PKP4: variants seen among roughly 807,000 people sequenced by gnomAD.
PKP4 encodes plakophilin-4.
PKP4 carries 90 observed loss-of-function variants against 145.1 expected under a neutral mutation model. The observed-to-expected ratio is 0.62, with a 90% CI of 0.52 to 0.74. The LOEUF is 0.74. Ranked by LOEUF, PKP4 falls within the 30% of genes least tolerant of loss-of-function variation. PKP4 has a pLI of 0.00. For synonymous variants in PKP4, 563 were observed against 577.2 expected (o/e 0.98, Z 0.35); for missense variants, 1,340 against 1,482.7 (o/e 0.90, Z 1.58).
intron 1 of PKP4, among the ~76,000 whole-genome samples, chr2:158,512,692 T>G (rs2041620772): frequency 6.6e-6 from 1 of 152,248 alleles, no homozygotes; most frequent in African/African-American, 2.4e-5. Flanking sequence ...TGAATTGGAA[T>G]AATCAGCTAG....
chr2:158,597,067 C>T (rs761255329), intron 3 of PKP4, among the ~76,000 whole-genome samples: 2 of 152,116 alleles, frequency 1.3e-5, no homozygotes, highest in African/African-American at 2.4e-5. Context: ...TCTCTTTAGT[C>T]GGCATAGTGC....
chr2:158,588,477 C>T (rs1257241640), intron 3 of PKP4, among the ~76,000 whole-genome samples: 2 of 152,006 alleles, frequency 1.3e-5, no homozygotes, highest in South Asian at 2.1e-4. Flanking sequence ...GAGTGTCCTC[C>T]GGCTGTTGAT....
intron 20 of PKP4, 53 bp from the exon 21 acceptor site, chr2:158,678,528 A>G (rs2058211265): frequency 3.1e-6 from 4 of 1,304,116 alleles, no homozygotes; most frequent in Non-Finnish European, 4.5e-6. Flanking sequence ...ACCCAGCCTA[A>G]TGGACCAGAG....
At position 158,561,337 on chromosome 2, in the gene PKP4, A is replaced by T. The variant is rs562564032; in HGVS notation, c.133-15934A>T. Among the ~76,000 whole-genome samples, 5 of 152,318 alleles carry T rather than the reference A, an allele frequency of 3.3e-5. No individual in the cohort carries two copies. The South Asian group carries it at 8.3e-4, about 25-fold the overall frequency. On this transcript the variant is annotated intron_variant, in intron 2 of 21. Transcript: ENST00000389759. ...TAGGATATTAGAACAAAAATCTGTG[A>T]TAAGAAGTTTTGTATGGGGCCCGAA...
chr2:158,673,612 C>A, intron 17 of PKP4, 65 bp from the exon 18 acceptor site: 1 of 1,175,770 alleles, frequency 8.5e-7, no homozygotes, highest in Non-Finnish European at 1.3e-6. Context: ...TTTCATCCTG[C>A]ACCCCTCTGA....
chr2:158,608,153 A>G (rs968393561), intron 4 of PKP4, among the ~76,000 whole-genome samples: 1 of 152,214 alleles, frequency 6.6e-6, no homozygotes, highest in Non-Finnish European at 1.5e-5. Context: ...GTATCAAAAC[A>G]CTTAATATAC....
chr2:158,663,290 A>G lies in PKP4; in HGVS notation c.2422A>G (p.Ile808Val). Residue 808 changes from isoleucine (I) to valine (V), a missense_variant, in exon 15 of 22, where the codon ATC (isoleucine) becomes GTC (valine). Ile to Val is a conservative substitution (Grantham distance 29, BLOSUM62 3). Transcript: ENST00000389759. ...CTTTCAGTGGGATGGAGTTGGTCCT[A>G]TCCCAGGACTGTCGAAGTCCCCCAA... ...QEDQWDGVGP[I>V]PGLSKSPKGV... 3.1e-6 allele frequency: 5 copies of G among 1,613,730 alleles called. No homozygotes were observed. The highest frequency in any genetic ancestry group is 4.2e-6 in the Non-Finnish European group (5 of 1,179,912).
rs368111884 is a variant in PKP4 at position 158,678,569 on chromosome 2, A to G, written c.3257-12A>G. ...AGCACTAGTTTTAATTTCATAAAAT[A>G]TTTTCTTACAGGCTCCAGCAAACCT... On this transcript the variant is annotated splice_polypyrimidine_tract_variant and intron_variant, in intron 20 of 21. Coordinates refer to ENST00000389759, the MANE Select transcript of PKP4 (RefSeq NM_003628.6). 31 of 1,594,536 alleles carry G rather than the reference A, an allele frequency of 1.9e-5. No individual in the cohort carries two copies. Among genetic ancestry groups the G allele is most frequent in the African/African-American group, 2.7e-5 (2 of 74,570 alleles).
chr2:158,532,887 A>G (rs2043698178), intron 1 of PKP4, among the ~76,000 whole-genome samples: 1 of 152,180 alleles, frequency 6.6e-6, no homozygotes. Context: ...CTCTTCTGCA[A>G]TTGGTAAAAC....
At chr2:158,595,429 A>G (rs531192391) in intron 3 of PKP4, among the ~76,000 whole-genome samples, 14 of 152,196 alleles carry the variant, frequency 9.2e-5, no homozygotes, top group African/African-American at 7.2e-5. Flanking sequence ...AGGGACTTCC[A>G]TAGGAATTAT....
intron 1 of PKP4, among the ~76,000 whole-genome samples, chr2:158,469,604 C>T (rs184125854): frequency 1.1e-3 from 163 of 152,248 alleles, no homozygotes; most frequent in African/African-American, 3.7e-3. Flanking sequence ...CATCAGATTA[C>T]TTAACAAGCT....
At chr2:158,632,034 C>A in intron 8 of PKP4, 93 bp downstream of exon 8, 1 of 1,137,068 alleles carries the variant, frequency 8.8e-7, no homozygotes. Flanking sequence ...AGAAGGAAAT[C>A]ATGTTGCCCA....
At chr2:158,577,451 C>T in intron 3 of PKP4, 68 bp downstream of exon 3, 1 of 964,212 alleles carries the variant, frequency 1.0e-6, no homozygotes. Flanking sequence ...GTTCTCTATG[C>T]AGCAAAAGAT....
At chr2:158,484,692 T>C (rs1019151899) in intron 1 of PKP4, among the ~76,000 whole-genome samples, 1 of 152,218 alleles carries the variant, frequency 6.6e-6, no homozygotes, top group Admixed American at 6.5e-5. Context: ...CCAAGTGGCA[T>C]TTTATAGAGT....
intron 1 of PKP4, among the ~76,000 whole-genome samples, chr2:158,515,548 CT>C (rs1426060069): frequency 6.6e-6 from 1 of 152,032 alleles, no homozygotes; most frequent in Non-Finnish European, 1.5e-5. Flanking sequence ...TTGAAAAGAG[CT>C]TTAATTTTTC....
chr2:158,469,401 T>C (rs1691201622), intron 1 of PKP4, among the ~76,000 whole-genome samples: 1 of 152,154 alleles, frequency 6.6e-6, no homozygotes, highest in Non-Finnish European at 1.5e-5. Flanking sequence ...GAAAAGACAT[T>C]TTCTAAAGTG....
At chr2:158,549,472 T>G (rs1207401752) in intron 2 of PKP4, among the ~76,000 whole-genome samples, 1 of 151,988 alleles carries the variant, frequency 6.6e-6, no homozygotes, top group Non-Finnish European at 1.5e-5. Context: ...GAGGGACGAG[T>G]GCTTTGGTTG....
chr2:158,475,118 CTTG>C (rs1559191671), intron 1 of PKP4, among the ~76,000 whole-genome samples: 1 of 152,052 alleles, frequency 6.6e-6, no homozygotes, highest in Non-Finnish European at 1.5e-5. Flanking sequence ...GTTTTTTGTT[CTTG>C]TTGTCACCAG....
At chr2:158,621,725 G>A (rs1178563127) in intron 6 of PKP4, among the ~76,000 whole-genome samples, 8 of 144,222 alleles carry the variant, frequency 5.5e-5, no homozygotes, top group Non-Finnish European at 1.0e-4. Context: ...CAGCCTGGGC[G>A]ACAGAGCGAG....
Sources: allele counts gnomAD v4.1 joint callset (sites outside exome capture counted in the v4.1 genomes callset), GRCh38; gene constraint gnomAD v4.1.1; transcripts MANE v1.5; gene names NCBI Gene and HGNC (gene_info 2026-07-23, HGNC 2026-07-21).